ALLC: variants seen among roughly 807,000 people sequenced by gnomAD.
ALLC encodes probable inactive allantoicase.
In ALLC, 40 loss-of-function variants were observed where a neutral mutation model predicts 45.0. The ratio of observed to expected loss-of-function variants is 0.89; its 90% CI spans 0.69 to 1.16. The LOEUF is 1.16. Among genes scored for constraint, ALLC ranks in the 50% most tolerant of loss-of-function variants. The pLI, the probability that ALLC is intolerant of heterozygous loss-of-function variation, is 0.00. For missense variants in ALLC, 488 were observed against 493.1 expected (o/e 0.99, Z 0.10); for synonymous variants, 176 against 178.1 (o/e 0.99, Z 0.09).
At chr2:3,691,562 C>T (rs1266162090) in intron 7 of ALLC, among the ~76,000 whole-genome samples, 2 of 152,204 alleles carry the variant, frequency 1.3e-5, no homozygotes, top group African/African-American at 4.8e-5. Flanking sequence ...CATACCCAGC[C>T]TGTCCTTGAC....
At chr2:3,701,009 T>C (rs985435181) in intron 10 of ALLC, among the ~76,000 whole-genome samples, 2 of 152,142 alleles carry the variant, frequency 1.3e-5, no homozygotes, top group East Asian at 3.9e-4. Flanking sequence ...CCATATACTC[T>C]CACCTGAAGA....
In ALLC at chr2:3,682,199, C is replaced by T. The variant is rs541757856; in HGVS notation, c.378+486C>T. On this transcript the variant is annotated intron_variant, in intron 6 of 11. Coordinates refer to ENST00000252505, the MANE Select transcript of ALLC (RefSeq NM_018436.4). ...CAGACAGGAAAGTAAATAACAGGAA[C>T]AGTAAACAGGGCCGTTAGTTTGAGA... Among the ~76,000 whole-genome samples the T allele has an allele frequency of 2.0e-5, 3 of 152,180 alleles. No homozygotes were observed. In the South Asian group the frequency reaches 6.2e-4, roughly 32 times the overall value.
intron 10 of ALLC, 68 bp from the exon 11 acceptor site, chr2:3,701,444 A>G (rs909439454): frequency 3.4e-6 from 5 of 1,459,754 alleles, no homozygotes; most frequent in African/African-American, 1.4e-5. Context: ...TTAAAAAAGC[A>G]TGATATCCTA....
At chr2:3,651,414 T>A in the ALLC span, among the ~76,000 whole-genome samples, 13 of 51,618 alleles carry the variant, frequency 2.5e-4, no homozygotes, top group Non-Finnish European at 3.0e-4. Context: ...TGTGTGTGTG[T>A]GTGTGTGTGT....
intron 1 of ALLC, 22 bp from the exon 2 acceptor site, chr2:3,671,074 C>G: frequency 3.3e-6 from 5 of 1,496,684 alleles, no homozygotes; most frequent in South Asian, 1.2e-5. Context: ...CAAGGTTGAC[C>G]GAGCTGCCCT....
At chr2:3,677,799 A>G (rs1236234566) in intron 3 of ALLC, among the ~76,000 whole-genome samples, 1 of 152,216 alleles carries the variant, frequency 6.6e-6, no homozygotes, top group Non-Finnish European at 1.5e-5. Context: ...TCCTCCTTGC[A>G]CGACTTGATG....
chr2:3,656,654 GC>G (rs1266174416), upstream of ALLC, among the ~76,000 whole-genome samples: 1 of 152,224 alleles, frequency 6.6e-6, no homozygotes, highest in Non-Finnish European at 1.5e-5. Flanking sequence ...CCCCAGCATC[GC>G]CCTGGAGCTT....
chr2:3,672,331 A>G (rs368106539), intron 2 of ALLC, among the ~76,000 whole-genome samples: 2,578 of 55,732 alleles, frequency 0.046, 366 homozygotes, highest in Non-Finnish European at 0.057. Context: ...CTGGTTAGAT[A>G]GGAGGTCCTC....
intron 1 of ALLC, among the ~76,000 whole-genome samples, chr2:3,667,942 T>C (rs967672547): frequency 1.3e-5 from 2 of 152,130 alleles, no homozygotes; most frequent in Non-Finnish European, 2.9e-5. Context: ...TCTTTGTATA[T>C]TCAGTAGAGA....
At chr2:3,666,692 C>G (rs1018328503) in intron 1 of ALLC, among the ~76,000 whole-genome samples, 7 of 152,262 alleles carry the variant, frequency 4.6e-5, no homozygotes, top group Admixed American at 3.9e-4. Context: ...CTGCTACGAG[C>G]TCTGTGAAGA....
At chr2:3,678,387 C>A in intron 3 of ALLC, 81 bp from the exon 4 acceptor site, 1 of 1,227,186 alleles carries the variant, frequency 8.1e-7, no homozygotes. Flanking sequence ...TCCTCTGGCA[C>A]TGTGGGACAG....
chr2:3,652,121 C>T, the ALLC span, among the ~76,000 whole-genome samples: 2 of 152,240 alleles, frequency 1.3e-5, no homozygotes, highest in Admixed American at 1.3e-4. Context: ...AGGCCCGGAG[C>T]CCCGCCTCGG....
At chr2:3,696,124 G>T in intron 8 of ALLC, 151 bp from the exon 9 acceptor site, 2 of 855,480 alleles carry the variant, frequency 2.3e-6, no homozygotes, top group Admixed American at 3.2e-5. Context: ...CCCTATGATT[G>T]TTTGTGAATT....
chr2:3,695,585 T>C lies in ALLC; in HGVS notation c.512-132T>C, dbSNP rs541499114. The C allele has an allele frequency of 9.4e-6, 9 of 959,582 alleles. No individual in the cohort carries two copies. In the East Asian group the frequency reaches 2.1e-4, roughly 22 times the overall value. 59.4% of individuals were successfully genotyped at this position (959,582 alleles called of 1,614,324 possible). ...CCCTGGGGCAGTGGGCTTGTTGTAT[T>C]TGAGAAACAGCAGGTGGGTGTGGCC... On this transcript the variant is annotated intron_variant, in intron 7 of 11. Coordinates refer to ENST00000252505, the MANE Select transcript of ALLC (RefSeq NM_018436.4).
intron 1 of ALLC, among the ~76,000 whole-genome samples, chr2:3,665,760 G>A (rs755348216): frequency 3.3e-5 from 5 of 152,164 alleles, no homozygotes; most frequent in Non-Finnish European, 4.4e-5. Flanking sequence ...TGTGAATAGT[G>A]CTGCAATGAA....
chr2:3,650,529 C>G, the ALLC span, among the ~76,000 whole-genome samples: 1 of 147,820 alleles, frequency 6.8e-6, no homozygotes, highest in African/African-American at 2.5e-5. Context: ...CCAGCCCCAG[C>G]AGCACCTTGA....
At chr2:3,648,674 C>T in the ALLC span, among the ~76,000 whole-genome samples, 1 of 152,224 alleles carries the variant, frequency 6.6e-6, no homozygotes, top group South Asian at 2.1e-4. Context: ...CAAGTGTCCA[C>T]GGGGCTGTAG....
Position 3,697,471 on chromosome 2 carries a change from A to T in ALLC, c.850+15A>T. ...ATATTTTGAAGGTAAATGCAAAGCC[A>T]TAAAGAAGTACCCTATAATTGGTTT... On this transcript the variant is annotated intron_variant, in intron 10 of 11. Transcript: ENST00000252505. 6.3e-7 allele frequency: 1 copy of T among 1,591,930 alleles called. No homozygotes were observed.
At chr2:3,650,966 GAGACCTATTGTGT>G in the ALLC span, among the ~76,000 whole-genome samples, 1 of 152,228 alleles carries the variant, frequency 6.6e-6, no homozygotes, top group South Asian at 2.1e-4. Flanking sequence ...TTCCGAGGAG[GAGACCTATTGTGT>G]AGACTGCAGA....
Sources: allele counts gnomAD v4.1 joint callset (sites outside exome capture counted in the v4.1 genomes callset), GRCh38; gene constraint gnomAD v4.1.1; transcripts MANE v1.5; gene names NCBI Gene and HGNC (gene_info 2026-07-23, HGNC 2026-07-21).